CELF4: variants seen among roughly 807,000 people sequenced by gnomAD.
CELF4 encodes the protein CUG-BP- and ETR-3-like factor 4.
CELF4 carries 18 observed loss-of-function variants against 59.9 expected under a neutral mutation model. The observed-to-expected ratio is 0.30, with a 90% CI of 0.21 to 0.45. The LOEUF is 0.45. CELF4 is among the 20% of genes least tolerant of loss of function. CELF4 has a pLI of 1.00. For missense variants in CELF4, 456 were observed against 689.0 expected (o/e 0.66, Z 3.79); for synonymous variants, 261 against 267.1 (o/e 0.98, Z 0.22).
At chr18:37,345,709 G>A (rs999771099) in intron 2 of CELF4, among the ~76,000 whole-genome samples, 1 of 152,088 alleles carries the variant, frequency 6.6e-6, no homozygotes, top group Non-Finnish European at 1.5e-5. Context: ...AGAACCTTTT[G>A]AGCAGGTGTC....
chr18:37,516,380 G>A (rs1357936045), intron 1 of CELF4, among the ~76,000 whole-genome samples: 2 of 152,148 alleles, frequency 1.3e-5, no homozygotes, highest in African/African-American at 2.4e-5. Context: ...CAGGGGCCCT[G>A]CTAGCTCTAG....
In CELF4 at chr18:37,254,215, G is replaced by T. The variant is rs2067613096; in HGVS notation, c.1334-277C>A. 6.6e-6 allele frequency among the ~76,000 whole-genome samples: 1 copy of T among 150,882 alleles called. No homozygotes were observed. Among genetic ancestry groups the T allele is most frequent in the Non-Finnish European group, 1.5e-5 (1 of 67,458 alleles). On this transcript the variant is annotated intron_variant, in intron 11 of 12. Coordinates refer to ENST00000420428, the MANE Select transcript of CELF4 (RefSeq NM_020180.4). The surrounding 1 kb of genome is among the most constrained non-coding windows in gnomAD (Gnocchi z 5.1). The stretch of plus-strand genomic sequence containing the variant: ...CGCCCGCTCCCCAAGTGGGGCCCGC[G>T]GCCGGGCGGCGCTGGGAGAGGCGCC...
At chr18:37,513,256 G>A (rs2099946613) in intron 1 of CELF4, among the ~76,000 whole-genome samples, 1 of 152,198 alleles carries the variant, frequency 6.6e-6, no homozygotes. Flanking sequence ...TCTAGAAAGT[G>A]TCTCCCAGTT....
At chr18:37,511,336 C>G (rs1339172791) in intron 1 of CELF4, among the ~76,000 whole-genome samples, 2 of 152,114 alleles carry the variant, frequency 1.3e-5, no homozygotes, top group African/African-American at 4.8e-5. Flanking sequence ...GCCAAGCTTC[C>G]TGGGGCACGG....
chr18:37,492,810 A>G (rs1311774319), intron 1 of CELF4, among the ~76,000 whole-genome samples: 1 of 152,082 alleles, frequency 6.6e-6, no homozygotes, highest in Non-Finnish European at 1.5e-5. Context: ...GGCCTGCCTC[A>G]AGGATGAGCC....
chr18:37,549,223 T>G (rs2099982395), intron 1 of CELF4, among the ~76,000 whole-genome samples: 1 of 152,154 alleles, frequency 6.6e-6, no homozygotes, highest in Admixed American at 6.5e-5. Flanking sequence ...TTTTCTGAAA[T>G]CCAAACCATC....
Position 37,315,421 on chromosome 18 carries a change from C to CA in CELF4, c.448+6381dup, listed in dbSNP as rs2096833577. On this transcript the variant is annotated intron_variant, in intron 3 of 12. Transcript: ENST00000420428. Reference sequence around the variant, plus strand: ...TCATGGTTTCTAACTTCTCCCCAGCCAGCCACCTTGCTGGCTTTTCTGTCA... The same window carrying CA: ...TCATGGTTTCTAACTTCTCCCCAGCCAAGCCACCTTGCTGGCTTTTCTGTCA... Among the ~76,000 whole-genome samples, 3 of 152,308 alleles carry CA rather than the reference C, an allele frequency of 2.0e-5. No individual in the cohort carries two copies. The South Asian group carries it at 6.2e-4, about 32-fold the overall frequency.
intron 1 of CELF4, among the ~76,000 whole-genome samples, chr18:37,550,563 C>T (rs959914555): frequency 2.0e-5 from 3 of 152,224 alleles, no homozygotes; most frequent in African/African-American, 4.8e-5. Context: ...TTTAAGTTTA[C>T]GGACCATGTT....
At chr18:37,380,562 C>A (rs1004802237) in intron 2 of CELF4, among the ~76,000 whole-genome samples, 2 of 152,094 alleles carry the variant, frequency 1.3e-5, no homozygotes, top group African/African-American at 4.8e-5. Flanking sequence ...ATCCATTCTT[C>A]CATCCATTTA....
chr18:37,345,526 A>G (rs1001808803), intron 2 of CELF4, among the ~76,000 whole-genome samples: 1 of 151,988 alleles, frequency 6.6e-6, no homozygotes, highest in South Asian at 2.1e-4. Flanking sequence ...CAACCAGCAC[A>G]TGGTAGATGC....
chr18:37,277,244 G>C (rs2093446404), intron 3 of CELF4, among the ~76,000 whole-genome samples: 1 of 152,232 alleles, frequency 6.6e-6, no homozygotes, highest in African/African-American at 2.4e-5. Context: ...ACTGGTCCCT[G>C]TTACCAGCTG....
intron 3 of CELF4, among the ~76,000 whole-genome samples, chr18:37,320,981 C>A (rs1325240321): frequency 6.6e-6 from 1 of 152,096 alleles, no homozygotes; most frequent in African/African-American, 2.4e-5. Flanking sequence ...CATGTCCTTG[C>A]CTTTCATTTT....
intron 3 of CELF4, among the ~76,000 whole-genome samples, chr18:37,288,381 T>C (rs1414035952): frequency 6.6e-6 from 1 of 152,212 alleles, no homozygotes. Flanking sequence ...ATTCATTCTC[T>C]TGGTCAAAGA....
Position 37,245,815 on chromosome 18 carries a change from A to G in CELF4, c.*45-618T>C, listed in dbSNP as rs1239917549. ...CCTGCACATATGTGGATATACATGG[A>G]TATGTGTGTATGTATATGCATATAT... On this transcript the variant is annotated intron_variant, in intron 12 of 12. Transcript: ENST00000420428. The surrounding 1 kb of genome is among the most constrained non-coding windows in gnomAD (Gnocchi z 4.1). 6.6e-6 allele frequency among the ~76,000 whole-genome samples: 1 copy of G among 152,204 alleles called. No individual in the cohort carries two copies. Among genetic ancestry groups the G allele is most frequent in the Non-Finnish European group, 1.5e-5 (1 of 68,026 alleles).
intron 2 of CELF4, among the ~76,000 whole-genome samples, chr18:37,344,351 C>T (rs1323231528): frequency 6.6e-6 from 1 of 152,260 alleles, no homozygotes; most frequent in East Asian, 1.9e-4. Context: ...GAACAAGTGA[C>T]TCCCTGGAAA....
At chr18:37,505,422 T>C (rs2099936675) in intron 1 of CELF4, among the ~76,000 whole-genome samples, 1 of 152,170 alleles carries the variant, frequency 6.6e-6, no homozygotes, top group South Asian at 2.1e-4. Context: ...ACATCCACCA[T>C]GGGGTCTGCC....
chr18:37,266,515 G>A lies in CELF4; in HGVS notation c.1165+18C>T, dbSNP rs1204242392. 1 of 1,582,878 alleles carries A rather than the reference G, an allele frequency of 6.3e-7. No individual in the cohort carries two copies. Among genetic ancestry groups the A allele is most frequent in the East Asian group, 2.3e-5 (1 of 43,818 alleles). ...AACGGAGTTGGGGAAGGAGCCGTGG[G>A]GACGCGTGGATACTAACGACCTGCA... On this transcript the variant is annotated intron_variant, in intron 9 of 12. Transcript: ENST00000420428.
intron 2 of CELF4, among the ~76,000 whole-genome samples, chr18:37,428,934 C>T (rs765517329): frequency 6.6e-6 from 1 of 152,190 alleles, no homozygotes; most frequent in Non-Finnish European, 1.5e-5. Flanking sequence ...AGTGACCCTT[C>T]GAGGGCATGG....
At chr18:37,467,535 A>AC (rs2099811971) in intron 2 of CELF4, among the ~76,000 whole-genome samples, 2 of 152,136 alleles carry the variant, frequency 1.3e-5, no homozygotes, top group African/African-American at 4.8e-5. Context: ...ATGAGGTGGC[A>AC]CAGAGGATGG....
Sources: gnomAD v4.1 joint callset for allele counts (sites outside exome capture counted in the v4.1 genomes callset) on GRCh38, gnomAD v4.1.1 for gene constraint, Gnocchi (gnomAD v3.1) non-coding constraint, MANE v1.5 for transcripts, NCBI Gene and HGNC (gene_info 2026-07-23, HGNC 2026-07-21) for gene names.